The following FFAR4 variants were observed in gnomAD, a reference collection of about 807,000 sequenced individuals.
FFAR4 encodes free fatty acid receptor 4, also known as G-protein coupled receptor 120.
FFAR4 carries 19 observed loss-of-function variants against 27.0 expected under a neutral mutation model. That is an observed-to-expected ratio of 0.70 (90% CI 0.49 to 1.03). The LOEUF (loss-of-function observed/expected upper bound fraction) is 1.03, where lower values mean the gene tolerates loss of function less well. Among genes scored for constraint, FFAR4 ranks in the 50% least tolerant of loss-of-function variants. The pLI, the probability that FFAR4 is intolerant of heterozygous loss-of-function variation, is 0.00. For missense variants in FFAR4, 476 were observed against 479.0 expected (o/e 0.99, Z 0.06); for synonymous variants, 254 against 215.6 (o/e 1.18, Z -1.56).
In FFAR4 at chr10:93,589,378, TG is replaced by T. The variant is rs906417025; in HGVS notation, c.*1773del. On this transcript the variant is annotated 3_prime_UTR_variant, in exon 3 of 3. Transcript: ENST00000371481. ...GTTGGGCAGCTGCTGAAGTGTGACA[TG>T]GGGATGGGACCTTGGAGGTGAGTGG... 2.0e-5 allele frequency: 3 copies of T among 152,262 alleles called. No homozygotes were observed. The highest frequency in any genetic ancestry group is 7.3e-5 in the African/African-American group (3 of 41,374). The allele number at this position is 152,262 out of a possible 1,614,324, so 9.4% of individuals were successfully genotyped here.
chr10:93,567,346 C>T, intron 1 of FFAR4, 59 bp downstream of exon 1: 1 of 1,462,310 alleles, frequency 6.8e-7, no homozygotes. Context: ...AAGCGGGGCC[C>T]CGACGGAAGC....
chr10:93,581,037 C>T (rs1050679039), intron 2 of FFAR4, among the ~76,000 whole-genome samples: 1 of 152,198 alleles, frequency 6.6e-6, no homozygotes, highest in Non-Finnish European at 1.5e-5. Flanking sequence ...CCTTTTGTAA[C>T]AGTGGATGTT....
At chr10:93,572,816 C>T (rs1339919467) in intron 1 of FFAR4, among the ~76,000 whole-genome samples, 1 of 152,126 alleles carries the variant, frequency 6.6e-6, no homozygotes, top group Admixed American at 6.5e-5. Context: ...GTCTGGGGTT[C>T]AGGAAAGCAT....
intron 1 of FFAR4, among the ~76,000 whole-genome samples, chr10:93,574,973 C>T (rs537949208): frequency 1.4e-4 from 21 of 152,226 alleles, no homozygotes; most frequent in Admixed American, 1.2e-3. Flanking sequence ...CTTCCCCCTA[C>T]CATGTGTTCA....
chr10:93,569,385 A>T (rs1379119407), intron 1 of FFAR4, among the ~76,000 whole-genome samples: 1 of 151,588 alleles, frequency 6.6e-6, no homozygotes, highest in African/African-American at 2.4e-5. Context: ...TTGTGTGCTG[A>T]CAGGGACACA....
Position 93,589,097 on chromosome 10 carries a change from C to T in FFAR4, c.*1488C>T, listed in dbSNP as rs994165683. On this transcript the variant is annotated 3_prime_UTR_variant, in exon 3 of 3. Transcript: ENST00000371481. ...CGCTTGAAGGGAGAGTGGCGTAAGC[C>T]GACTATTGATGGAGCCTCCTCTGCA... 2 of 152,190 alleles carry T rather than the reference C, an allele frequency of 1.3e-5. No individual in the cohort carries two copies. The highest frequency in any genetic ancestry group is 2.9e-5 in the Non-Finnish European group (2 of 68,058). 9.4% of individuals were successfully genotyped at this position (152,190 alleles called of 1,614,324 possible).
At chr10:93,584,603 G>A (rs1211340043) in intron 2 of FFAR4, among the ~76,000 whole-genome samples, 3 of 152,304 alleles carry the variant, frequency 2.0e-5, no homozygotes, top group African/African-American at 7.2e-5. Context: ...AGCATCTGTT[G>A]CCCTGGTCTC....
chr10:93,586,733 C>G (rs1242716573), intron 2 of FFAR4, among the ~76,000 whole-genome samples: 1 of 152,076 alleles, frequency 6.6e-6, no homozygotes, highest in Non-Finnish European at 1.5e-5. Flanking sequence ...GCCTGCAATC[C>G]CACGCCAGGA....
intron 1 of FFAR4, among the ~76,000 whole-genome samples, chr10:93,567,491 G>A (rs560732003): frequency 2.0e-4 from 30 of 152,374 alleles, no homozygotes; most frequent in African/African-American, 7.2e-4. Context: ...CCTAAATGAT[G>A]TAAGTGGAGT....
rs554893101 is a variant in FFAR4, at chr10:93,570,058, CA to C, written c.567+2783del. On this transcript the variant is annotated intron_variant, in intron 1 of 2. Coordinates refer to ENST00000371481, the MANE Select transcript of FFAR4 (RefSeq NM_001195755.2). ...TGGCCAGCAAAGCAAGACTCAATCTCAAAAAAAAAAAATTTTTTTTAAATTA... is the reference window on the plus strand; with the variant it reads ...TGGCCAGCAAAGCAAGACTCAATCTCAAAAAAAAAAATTTTTTTTAAATTA... Among the ~76,000 whole-genome samples the C allele has an allele frequency of 8.0e-3, 1,168 of 145,846 alleles. 14 individuals are homozygous for C. Among genetic ancestry groups the C allele is most frequent in the African/African-American group, 0.027 (1,055 of 39,718 alleles).
intron 2 of FFAR4, among the ~76,000 whole-genome samples, chr10:93,577,497 A>G (rs906491017): frequency 2.6e-5 from 4 of 152,162 alleles, no homozygotes; most frequent in Non-Finnish European, 4.4e-5. Context: ...TGCCCACCCA[A>G]TGACCACTAA....
In FFAR4 at chr10:93,587,326, T is replaced by A. The variant is rs886775828; in HGVS notation, c.803T>A (p.Leu268His). The part of the protein sequence containing the change: ...QDFRLFRTLF[L>H]LMVSFFIMWS... Reference sequence around the variant, plus strand: ...TTCCGGCTCTTCCGCACCCTCTTCCTCCTCATGGTCTCCTTCTTCATCATG... The same window carrying A: ...TTCCGGCTCTTCCGCACCCTCTTCCACCTCATGGTCTCCTTCTTCATCATG... The change falls in exon 3 of 3, where the codon CTC becomes CAC. Residue 268 changes from leucine to histidine, a missense_variant. Transcript: ENST00000371481. 9.3e-6 allele frequency: 15 copies of A among 1,613,966 alleles called. No individual in the cohort carries two copies. Among genetic ancestry groups the A allele is most frequent in the Non-Finnish European group, 1.2e-5 (14 of 1,180,018 alleles).
chr10:93,581,547 G>A (rs113519244), intron 2 of FFAR4, among the ~76,000 whole-genome samples: 1 of 152,130 alleles, frequency 6.6e-6, no homozygotes, highest in Non-Finnish European at 1.5e-5. Flanking sequence ...TGGCAGAAGG[G>A]TGTGAGGTAG....
intron 1 of FFAR4, 43 bp downstream of exon 1, chr10:93,567,330 G>C (rs2058105138): frequency 6.4e-7 from 1 of 1,556,268 alleles, no homozygotes; most frequent in Admixed American, 1.9e-5. Flanking sequence ...TCCTGCGCAG[G>C]CTGGGAAGCG....
chr10:93,587,003 C>T (rs971267074), intron 2 of FFAR4, among the ~76,000 whole-genome samples: 1 of 152,116 alleles, frequency 6.6e-6, no homozygotes, highest in Admixed American at 6.5e-5. Flanking sequence ...CCCCTCATAA[C>T]GCTGTTTAGA....
intron 1 of FFAR4, 105 bp downstream of exon 1, chr10:93,567,392 T>C: frequency 1.0e-6 from 1 of 961,464 alleles, no homozygotes. Context: ...AATAGCCATT[T>C]ATTGCACTTA....
chr10:93,576,729 CA>C (rs1299328077), intron 2 of FFAR4, among the ~76,000 whole-genome samples: 1 of 152,114 alleles, frequency 6.6e-6, no homozygotes, highest in Admixed American at 6.5e-5. Context: ...AACATCTTTC[CA>C]CATCATTCCT....
intron 1 of FFAR4, among the ~76,000 whole-genome samples, chr10:93,568,591 A>G (rs1464825062): frequency 1.3e-5 from 2 of 152,132 alleles, no homozygotes; most frequent in Non-Finnish European, 2.9e-5. Flanking sequence ...AGATGCACAC[A>G]GCCCACCAGG....
intron 1 of FFAR4, among the ~76,000 whole-genome samples, chr10:93,567,672 C>T (rs11187515): frequency 0.11 from 17,233 of 152,124 alleles, 1,076 homozygotes; most frequent in African/African-American, 0.14. Context: ...CAGATGAGAA[C>T]CAGAGGCACA....
Sources: allele counts gnomAD v4.1 joint callset (sites outside exome capture counted in the v4.1 genomes callset), GRCh38; gene constraint gnomAD v4.1.1; transcripts MANE v1.5; gene names NCBI Gene and HGNC (gene_info 2026-07-23, HGNC 2026-07-21).